Variants in TMED3 observed in about 807,000 individuals in gnomAD.
TMED3 encodes the protein transmembrane emp24 domain-containing protein 3.
In TMED3, 9 loss-of-function variants were observed where a neutral mutation model predicts 15.0. The ratio of observed to expected loss-of-function variants is 0.60; its 90% CI spans 0.36 to 1.04. TMED3 has a LOEUF of 1.04. TMED3 is among the 50% of genes least tolerant of loss of function. The pLI is 0.01. For synonymous variants in TMED3, 117 were observed against 121.4 expected (o/e 0.96, Z 0.24); for missense variants, 267 against 278.9 (o/e 0.96, Z 0.30).
intron 2 of TMED3, among the ~76,000 whole-genome samples, chr15:79,399,073 A>G (rs994593348): frequency 4.6e-5 from 7 of 151,920 alleles, no homozygotes; most frequent in Admixed American, 1.3e-4. Context: ...ACCACGCCCA[A>G]CTAATTTTTG....
rs1243319196 is a variant in TMED3 at position 79,353,305 on chromosome 15, TATTA to T, written c.417+39301_417+39304del. Among the ~76,000 whole-genome samples, 454 of 35,468 alleles carry T rather than the reference TATTA, an allele frequency of 0.013. 19 individuals carry two copies. The East Asian group carries it at 0.15, about 11-fold the overall frequency. 23.3% of individuals were successfully genotyped at this position (35,468 alleles called of 152,430 possible). On this transcript the variant is annotated intron_variant, in intron 2 of 2. Coordinates refer to the TMED3 transcript ENST00000424155. The stretch of plus-strand genomic sequence containing the variant: ...ATATATATTATATGTATATTATATA[TATTA>T]TATATATAATATATATAATATATAT...
intron 2 of TMED3, among the ~76,000 whole-genome samples, chr15:79,317,803 C>T (rs1007814294): frequency 6.6e-5 from 10 of 152,300 alleles, no homozygotes; most frequent in East Asian, 1.9e-4. Flanking sequence ...CCTTCTTAAC[C>T]GAGGCCTGCA....
rs903878761 is a variant in TMED3 at position 79,311,133 on chromosome 15, C to A, written c.-117C>A. ...CGGCCCTCCCGGAAGCGCAGAGCTC[C>A]GCTGGTGCCACGTCTATCCCCTTAC... On this transcript the variant is annotated 5_prime_UTR_variant, in exon 1 of 3. Transcript: ENST00000299705. 1.8e-5 allele frequency: 21 copies of A among 1,199,724 alleles called. No homozygotes were observed. The African/African-American group carries it at 2.4e-4, about 14-fold the overall frequency. 74.3% of individuals were successfully genotyped at this position (1,199,724 alleles called of 1,614,324 possible).
chr15:79,366,755 G>A (rs1250975633), intron 2 of TMED3, among the ~76,000 whole-genome samples: 2 of 152,208 alleles, frequency 1.3e-5, no homozygotes, highest in East Asian at 3.9e-4. Flanking sequence ...CAGAGCCTGG[G>A]GATGGCTTCA....
intron 2 of TMED3, among the ~76,000 whole-genome samples, chr15:79,394,191 A>C (rs938707051): frequency 6.6e-6 from 1 of 152,208 alleles, no homozygotes; most frequent in East Asian, 1.9e-4. Context: ...TGGCGTTTAC[A>C]TAATAAATTA....
chr15:79,379,300 T>G (rs1893479824), intron 2 of TMED3, among the ~76,000 whole-genome samples: 1 of 152,204 alleles, frequency 6.6e-6, no homozygotes, highest in African/African-American at 2.4e-5. Flanking sequence ...AACTGCAGAT[T>G]TAGCTTATTC....
At chr15:79,316,260 G>A (rs546294084) in intron 2 of TMED3, among the ~76,000 whole-genome samples, 8 of 152,320 alleles carry the variant, frequency 5.3e-5, no homozygotes, top group Admixed American at 1.3e-4. Context: ...GTTTCAGGCC[G>A]GAGTTCAGGA....
chr15:79,382,668 C>T (rs1441327097), intron 2 of TMED3, among the ~76,000 whole-genome samples: 2 of 152,168 alleles, frequency 1.3e-5, no homozygotes, highest in African/African-American at 4.8e-5. Flanking sequence ...CCTCTACCCT[C>T]TAAACTCCTG....
chr15:79,319,388 C>T (rs764623503), intron 2 of TMED3, among the ~76,000 whole-genome samples: 4 of 152,120 alleles, frequency 2.6e-5, no homozygotes, highest in Non-Finnish European at 4.4e-5. Context: ...CTAGAATGGC[C>T]CAGAATTAAG....
At position 79,395,771 on chromosome 15, in the gene TMED3, C is replaced by G. The variant is rs890105576; in HGVS notation, c.418-15629C>G. Among the ~76,000 whole-genome samples the G allele has an allele frequency of 1.3e-5, 2 of 152,118 alleles. 1 individual carries two copies. Among genetic ancestry groups the G allele is most frequent in the Admixed American group, 1.3e-4 (2 of 15,266 alleles). On this transcript the variant is annotated intron_variant, in intron 2 of 2. Transcript: ENST00000424155. ...TCTCACACTTATGTTTAAATACACC[C>G]TTTTATAGGCCTTTTAATGAAAGTC...
At chr15:79,381,362 G>A (rs536286672) in intron 2 of TMED3, among the ~76,000 whole-genome samples, 1 of 152,288 alleles carries the variant, frequency 6.6e-6, no homozygotes, top group East Asian at 1.9e-4. Context: ...ACAGACAGAA[G>A]CTAAGGTGAA....
intron 2 of TMED3, among the ~76,000 whole-genome samples, chr15:79,328,437 C>CA (rs1237239953): frequency 2.6e-5 from 4 of 152,240 alleles, no homozygotes; most frequent in Non-Finnish European, 4.4e-5. Flanking sequence ...GACTTCTATG[C>CA]AAAAAAACTG....
chr15:79,315,053 C>T (rs2058734930), intron 2 of TMED3, among the ~76,000 whole-genome samples: 1 of 152,164 alleles, frequency 6.6e-6, no homozygotes, highest in Admixed American at 6.5e-5. Flanking sequence ...AGAACCAAAG[C>T]CACAGCGTCT....
At chr15:79,393,938 C>A (rs1893729842) in intron 2 of TMED3, among the ~76,000 whole-genome samples, 1 of 152,176 alleles carries the variant, frequency 6.6e-6, no homozygotes, top group South Asian at 2.1e-4. Flanking sequence ...CTCAAGCGAT[C>A]CTCCCATCTC....
chr15:79,392,968 A>G (rs1306549856), intron 2 of TMED3, among the ~76,000 whole-genome samples: 1 of 152,194 alleles, frequency 6.6e-6, no homozygotes, highest in Non-Finnish European at 1.5e-5. Context: ...TTCTGGCTTC[A>G]GGGATCCCCA....
chr15:79,383,307 C>A (rs986048005), intron 2 of TMED3: 3 of 411,500 alleles, frequency 7.3e-6, no homozygotes, highest in Non-Finnish European at 1.3e-5. Context: ...CTATTTGATC[C>A]TTTGTGCCCT....
At chr15:79,412,332 C>T (rs1224077617) in exon 3 of TMED3, 2 of 152,342 alleles carry the variant, frequency 1.3e-5, no homozygotes, top group Non-Finnish European at 2.9e-5. Flanking sequence ...TGAACTCAGC[C>T]TCCTCCTCCC....
intron 2 of TMED3, among the ~76,000 whole-genome samples, chr15:79,400,013 A>G (rs560510604): frequency 2.3e-4 from 35 of 152,286 alleles, no homozygotes; most frequent in Admixed American, 1.9e-3. Context: ...CTCAACATCA[A>G]TGGCTTTCTA....
chr15:79,324,948 T>C (rs1390019218), downstream of TMED3, among the ~76,000 whole-genome samples: 1 of 152,170 alleles, frequency 6.6e-6, no homozygotes, highest in African/African-American at 2.4e-5. Context: ...GAAGGGAGTA[T>C]TTTTACTGGC....
Sources: gnomAD v4.1 joint callset for allele counts (sites outside exome capture counted in the v4.1 genomes callset) on GRCh38, gnomAD v4.1.1 for gene constraint, MANE v1.5 for transcripts, NCBI Gene and HGNC (gene_info 2026-07-23, HGNC 2026-07-21) for gene names.